BTBD10: variants seen among roughly 807,000 people sequenced by gnomAD.
BTBD10 encodes the protein BTB domain containing 10.
In BTBD10, 21 loss-of-function variants were observed where a neutral mutation model predicts 53.2. That is an observed-to-expected ratio of 0.39 (90% CI 0.28 to 0.57). BTBD10 has a LOEUF of 0.57. Ranked by LOEUF, BTBD10 falls within the 20% of genes least tolerant of loss-of-function variation. The pLI, the probability that BTBD10 is intolerant of heterozygous loss-of-function variation, is 0.53. For synonymous variants in BTBD10, 149 were observed against 192.7 expected (o/e 0.77, Z 1.88); for missense variants, 360 against 594.7 (o/e 0.61, Z 4.10).
chr11:13,450,239 C>T (rs1950832083), intron 1 of BTBD10, among the ~76,000 whole-genome samples: 1 of 152,042 alleles, frequency 6.6e-6, no homozygotes, highest in Admixed American at 6.6e-5. Flanking sequence ...CAAGACGACA[C>T]CTGAGACAGT....
At chr11:13,453,825 A>G (rs1276589846) in intron 1 of BTBD10, among the ~76,000 whole-genome samples, 1 of 152,152 alleles carries the variant, frequency 6.6e-6, no homozygotes, top group East Asian at 1.9e-4. Context: ...AGGCCGAGGC[A>G]GGTGGATCAC....
intron 8 of BTBD10, among the ~76,000 whole-genome samples, chr11:13,393,602 G>A (rs1462980315): frequency 6.6e-6 from 1 of 151,994 alleles, no homozygotes; most frequent in Non-Finnish European, 1.5e-5. Context: ...GTACATATTA[G>A]TGGAGAAAGA....
intron 8 of BTBD10, among the ~76,000 whole-genome samples, chr11:13,389,373 CA>C (rs1306260818): frequency 1.3e-5 from 2 of 151,258 alleles, no homozygotes; most frequent in South Asian, 2.1e-4. Context: ...TATCAACCAT[CA>C]AAAAAACATT....
At chr11:13,420,048 C>T (rs972788996) in intron 3 of BTBD10, among the ~76,000 whole-genome samples, 5 of 152,050 alleles carry the variant, frequency 3.3e-5, no homozygotes, top group Admixed American at 6.6e-5. Context: ...TATTACTCCA[C>T]TTAAAAATAG....
In BTBD10 at chr11:13,419,712, C is replaced by T; in HGVS notation, c.332G>A (p.Ser111Asn). The T allele has an allele frequency of 6.2e-7, 1 of 1,607,472 alleles. No homozygotes were observed. Among genetic ancestry groups the T allele is most frequent in the South Asian group, 1.1e-5 (1 of 89,574 alleles). Residue 111 changes from serine to asparagine, a missense_variant, in exon 4 of 9, where the codon AGC becomes AAC. By Grantham distance (46) the Ser-to-Asn change is conservative (BLOSUM62 1). This residue lies in a region of BTBD10 where 109 missense variants were observed against 118.6 expected (regional missense o/e 0.92). Transcript: ENST00000278174. ...GGATGCTTTTTGAGGACGCGGACTG[C>T]TTGGACGAGAGGAACTGTGATCTTT... is the stretch of plus-strand genomic sequence containing the variant. The part of the protein sequence containing the change: ...REKDHSSSRP[S>N]SPRPQKASPN...
intron 2 of BTBD10, among the ~76,000 whole-genome samples, chr11:13,423,873 C>T (rs563544745): frequency 6.6e-6 from 1 of 152,216 alleles, no homozygotes; most frequent in South Asian, 2.1e-4. Flanking sequence ...CAGCCTTTAT[C>T]AGTTATTTGT....
At chr11:13,413,784 A>C (rs949482226) in intron 5 of BTBD10, 134 bp from the exon 6 acceptor site, 1 of 820,250 alleles carries the variant, frequency 1.2e-6, no homozygotes, top group East Asian at 3.0e-5. Flanking sequence ...GGAAGTTTAA[A>C]CTTAGATGAG....
At chr11:13,419,097 TTGAA>T (rs1565246651) in intron 4 of BTBD10, among the ~76,000 whole-genome samples, 1 of 152,038 alleles carries the variant, frequency 6.6e-6, no homozygotes, top group African/African-American at 2.4e-5. Flanking sequence ...TATTTTGTGA[TTGAA>T]TGGGAACCCA....
chr11:13,408,422 T>C (rs1005600573), intron 6 of BTBD10, among the ~76,000 whole-genome samples: 1 of 152,226 alleles, frequency 6.6e-6, no homozygotes, highest in African/African-American at 2.4e-5. Flanking sequence ...AAGAATGTTA[T>C]AGATCAGTGT....
intron 2 of BTBD10, among the ~76,000 whole-genome samples, chr11:13,435,743 G>A (rs920953902): frequency 5.9e-5 from 9 of 152,108 alleles, no homozygotes; most frequent in African/African-American, 7.2e-5. Flanking sequence ...TGCCTGCCTC[G>A]GCCTCCCAAA....
chr11:13,419,486 A>G lies in BTBD10; in HGVS notation c.558T>C (p.Thr186=). 2 of 1,613,576 alleles carry G rather than the reference A, an allele frequency of 1.2e-6. No individual in the cohort carries two copies. Among genetic ancestry groups the G allele is most frequent in the South Asian group, 2.2e-5 (2 of 91,012 alleles). ...TGCCCAACATTGTATTTGGCTGTGC[A>G]GTAAAAATGGATGGGTCTACAACAA... ...TRFVVDPSIF[T]AQPNTMLGRM... is the part of the protein sequence containing the mutation. The change falls in exon 4 of 9, where the codon ACT becomes ACC. Residue 186 remains threonine (T), a synonymous_variant. Transcript: ENST00000278174.
Position 13,440,224 on chromosome 11 carries a change from A to G in BTBD10, c.101+4800T>C, listed in dbSNP as rs1000249491. On this transcript the variant is annotated intron_variant, in intron 2 of 8. Transcript: ENST00000278174. ...TAATTCAGTTTATTTTCTCACAGAC[A>G]CTGACTCAGCCGTGGGTTGTGCAGC... 3.0e-6 allele frequency: 4 copies of G among 1,327,032 alleles called. No individual in the cohort carries two copies. In the Admixed American group the frequency reaches 8.1e-5, roughly 27 times the overall value. 82.2% of individuals were successfully genotyped at this position (1,327,032 alleles called of 1,614,324 possible).
chr11:13,398,682 G>A (rs1591093726), intron 8 of BTBD10, among the ~76,000 whole-genome samples: 2 of 152,310 alleles, frequency 1.3e-5, no homozygotes, highest in East Asian at 3.9e-4. Context: ...GGCTGGTACT[G>A]GTTGTTCCTT....
intron 8 of BTBD10, among the ~76,000 whole-genome samples, chr11:13,390,576 TC>T (rs1167943112): frequency 7.2e-5 from 11 of 152,090 alleles, no homozygotes; most frequent in African/African-American, 2.7e-4. Flanking sequence ...ACTCCCGACC[TC>T]CAGTGATCCT....
intron 1 of BTBD10, among the ~76,000 whole-genome samples, chr11:13,453,967 G>A (rs7937089): frequency 0.034 from 5,184 of 152,110 alleles, 287 homozygotes; most frequent in African/African-American, 0.12. Context: ...CAGAAGAATC[G>A]CTTGAACCTG....
chr11:13,458,959 A>T (rs1377191896), intron 1 of BTBD10, among the ~76,000 whole-genome samples: 2 of 152,162 alleles, frequency 1.3e-5, no homozygotes, highest in African/African-American at 4.8e-5. Context: ...CCCAAAAACA[A>T]GAAAATCATA....
chr11:13,421,524 G>T, intron 3 of BTBD10, 118 bp downstream of exon 3: 1 of 839,296 alleles, frequency 1.2e-6, no homozygotes, highest in Non-Finnish European at 1.7e-6. Context: ...AGAAACAACT[G>T]AATAGAAGCA....
chr11:13,439,861 T>C (rs1950614146), intron 2 of BTBD10: 6 of 1,494,302 alleles, frequency 4.0e-6, no homozygotes, highest in Non-Finnish European at 1.8e-6. Context: ...CCCAGAGATA[T>C]CATGTAATAA....
In BTBD10 at chr11:13,388,389, A is replaced by G. The variant is rs1401218698; in HGVS notation, c.*442T>C. 1 of 157,450 alleles carries G rather than the reference A, an allele frequency of 6.4e-6. No individual in the cohort carries two copies. The allele number at this position is 157,450 out of a possible 1,614,324, so 9.8% of individuals were successfully genotyped here. On this transcript the variant is annotated 3_prime_UTR_variant, in exon 9 of 9. Transcript: ENST00000278174. ...ATACTTTGACAGAAGCACTTAAATT[A>G]TATTGTGCATCACAACTATAAAATG... is the stretch of plus-strand genomic sequence containing the variant.
Sources: gnomAD v4.1 joint callset for allele counts (sites outside exome capture counted in the v4.1 genomes callset) on GRCh38, gnomAD v4.1.1 for gene constraint, gnomAD v4.1.1 regional missense constraint, MANE v1.5 for transcripts, NCBI Gene and HGNC (gene_info 2026-07-23, HGNC 2026-07-21) for gene names.